Variants in OTOG observed in about 807,000 individuals in gnomAD.
The protein encoded by OTOG is otogelin.
OTOG carries 296 observed loss-of-function variants against 313.8 expected under a neutral mutation model. The ratio of observed to expected loss-of-function variants is 0.94; its 90% CI spans 0.86 to 1.04. The LOEUF (loss-of-function observed/expected upper bound fraction) is 1.04. OTOG is among the 50% of genes least tolerant of loss of function. The pLI is 0.00. For missense variants in OTOG, 3,948 were observed against 3,840.1 expected, an observed-to-expected ratio of 1.03 and a Z score of -0.74; for synonymous variants, 1,533 against 1,554.9, an observed-to-expected ratio of 0.99 and a Z score of 0.33.
At position 17,549,707 on chromosome 11, in the gene OTOG, C is replaced by T. The variant is rs78639400; in HGVS notation, c.216+1495C>T. 4.9e-3 allele frequency among the ~76,000 whole-genome samples: 745 copies of T among 152,252 alleles called. 9 individuals are homozygous for T. Among genetic ancestry groups the T allele is most frequent in the African/African-American group, 0.016 (683 of 41,534 alleles). On this transcript the variant is annotated intron_variant, in intron 3 of 55. Transcript: ENST00000399397. ...CTTCATTTCCCTGTGGGTATCCTCCCGTGCTGGTTTCCAGGGTAGGCATCC... is the reference window on the plus strand; with the variant it reads ...CTTCATTTCCCTGTGGGTATCCTCCTGTGCTGGTTTCCAGGGTAGGCATCC...
At position 17,611,261 on chromosome 11, in the gene OTOG, T is replaced by C. The variant is rs1418362086; in HGVS notation, c.5961T>C (p.Ala1987=). The C allele has an allele frequency of 1.0e-5, 16 of 1,550,524 alleles. 1 individual carries two copies. Among genetic ancestry groups the C allele is most frequent in the Admixed American group, 3.9e-5 (2 of 50,998 alleles). ...TGCTGGTTCTGTTGCCTCAGCTGGC[T>C]GAGGCCCATGGAACCTCGGCAGGGC... ...DSMLVLLPQL[A]EAHGTSAGPH... Residue 1987 remains alanine (A), a synonymous_variant, in exon 36 of 56, where the codon GCT becomes GCC. Transcript: ENST00000399397.
At chr11:17,637,983 G>A (rs573433174) in intron 47 of OTOG, among the ~76,000 whole-genome samples, 43 of 152,322 alleles carry the variant, frequency 2.8e-4, no homozygotes, top group African/African-American at 1.0e-3. Flanking sequence ...CCTGAACTGA[G>A]AAAAGTCAGC....
chr11:17,620,083 T>C (rs1165185921), intron 39 of OTOG, among the ~76,000 whole-genome samples: 1 of 152,250 alleles, frequency 6.6e-6, no homozygotes, highest in African/African-American at 2.4e-5. Flanking sequence ...CTTTTTTTTA[T>C]TGAGGAGAAA....
intron 47 of OTOG, among the ~76,000 whole-genome samples, chr11:17,637,098 A>G (rs763519370): frequency 1.1e-4 from 16 of 152,108 alleles, no homozygotes; most frequent in Non-Finnish European, 1.9e-4. Context: ...AGAAAATGAA[A>G]ATACCACCTT....
At chr11:17,589,756 G>T (rs967351715) in intron 24 of OTOG, among the ~76,000 whole-genome samples, 2 of 152,126 alleles carry the variant, frequency 1.3e-5, no homozygotes, top group Non-Finnish European at 2.9e-5. Flanking sequence ...TTTCGGTCAG[G>T]CATTTTCCCC....
intron 15 of OTOG, among the ~76,000 whole-genome samples, chr11:17,568,099 G>A (rs1015479219): frequency 2.4e-5 from 3 of 123,610 alleles, no homozygotes; most frequent in Non-Finnish European, 5.0e-5. Flanking sequence ...AGTGGAGATG[G>A]GGTTTCACCG....
intron 3 of OTOG, among the ~76,000 whole-genome samples, chr11:17,549,342 T>C (rs1168170802): frequency 6.6e-6 from 1 of 152,110 alleles, no homozygotes. Flanking sequence ...CAGCAATGAG[T>C]CCCAACTCCT....
At chr11:17,620,203 A>G (rs1853829954) in intron 39 of OTOG, among the ~76,000 whole-genome samples, 1 of 152,024 alleles carries the variant, frequency 6.6e-6, no homozygotes, top group African/African-American at 2.4e-5. Context: ...CATTTTCATC[A>G]CCCCAAAAGG....
intron 6 of OTOG, among the ~76,000 whole-genome samples, chr11:17,554,053 A>G (rs557534034): frequency 2.1e-4 from 32 of 152,288 alleles, no homozygotes; most frequent in Admixed American, 5.9e-4. Context: ...CCAAGTGAAG[A>G]GTAGGAGAGT....
rs1554979068 is a variant in OTOG at position 17,634,165 on chromosome 11, C to T, written c.7364C>T (p.Thr2455Ile). 1 of 1,550,086 alleles carries T rather than the reference C, an allele frequency of 6.5e-7. No homozygotes were observed. Among genetic ancestry groups the T allele is most frequent in the South Asian group, 1.2e-5 (1 of 84,042 alleles). ...CCQHQCQAPD[T>I]IVPVDLGCPS... ...CAGCACCAGTGCCAAGCCCCAGACACCATTGTCCCGGTGGATCTGGGCTGC... is the reference window on the plus strand; with the variant it reads ...CAGCACCAGTGCCAAGCCCCAGACATCATTGTCCCGGTGGATCTGGGCTGC... Residue 2455 changes from threonine to isoleucine, a missense_variant, in exon 44 of 56, where the codon ACC (threonine) becomes ATC (isoleucine). Thr to Ile is a moderately conservative substitution (Grantham distance 89). Coordinates refer to ENST00000399397, the MANE Select transcript of OTOG (RefSeq NM_001292063.2).
intron 46 of OTOG, 95 bp from the exon 47 acceptor site, chr11:17,635,515 T>C: frequency 3.3e-6 from 3 of 913,994 alleles, no homozygotes; most frequent in Non-Finnish European, 5.2e-6. Context: ...CTGCCACACC[T>C]GGGTTGTTGA....
intron 30 of OTOG, among the ~76,000 whole-genome samples, chr11:17,598,362 G>A (rs537329395): frequency 2.1e-4 from 32 of 152,238 alleles, no homozygotes; most frequent in African/African-American, 7.5e-4. Context: ...TCTCTACTCT[G>A]GCTCAGTGGG....
rs549877311 is a variant in OTOG, at chr11:17,631,164, A to T, written c.6713-538A>T. Among the ~76,000 whole-genome samples, 16 of 152,284 alleles carry T rather than the reference A, an allele frequency of 1.1e-4. No homozygotes were observed. The South Asian group carries it at 3.3e-3, about 32-fold the overall frequency. On this transcript the variant is annotated intron_variant, in intron 40 of 55. Coordinates refer to ENST00000399397, the MANE Select transcript of OTOG (RefSeq NM_001292063.2). ...CCAGCTGCAAGGGCATCTGGGAAAA[A>T]TACACTGACTGCCCAGGAAAAAGAA...
Position 17,574,739 on chromosome 11 carries a change from C to T in OTOG, c.2313C>T (p.Ser771=). The part of the protein sequence containing the change: ...LPACALSCEA[S]KEYSPCVAPC... ...CTGCAGCACTGTCCTGTGAGGCCTC[C>T]AAGGAGTATAGCCCCTGCGTGGCCC... Residue 771 remains serine (S), a synonymous_variant, in exon 20 of 56, where the codon TCC becomes TCT. Coordinates refer to ENST00000399397, the MANE Select transcript of OTOG (RefSeq NM_001292063.2). 6.4e-7 allele frequency: 1 copy of T among 1,550,634 alleles called. No individual in the cohort carries two copies. Among genetic ancestry groups the T allele is most frequent in the Non-Finnish European group, 8.7e-7 (1 of 1,146,970 alleles).
intron 15 of OTOG, among the ~76,000 whole-genome samples, chr11:17,563,653 A>G (rs970137483): frequency 6.6e-6 from 1 of 151,646 alleles, no homozygotes; most frequent in Non-Finnish European, 1.5e-5. Flanking sequence ...CCTGGGGGCT[A>G]TTGGGTCTCA....
At chr11:17,590,420 C>A (rs1852903314) in intron 24 of OTOG, among the ~76,000 whole-genome samples, 1 of 152,186 alleles carries the variant, frequency 6.6e-6, no homozygotes, top group Admixed American at 6.5e-5. Flanking sequence ...TTTGGTTCTA[C>A]CTTCAAAATA....
In OTOG at chr11:17,596,895, T is replaced by A. The variant is rs1853122492; in HGVS notation, c.3570T>A (p.Cys1190Ter). Residue 1190 changes from cysteine (C) to a stop codon, truncating the protein, a stop_gained, in exon 30 of 56, where the codon TGT becomes TGA. Coordinates refer to ENST00000399397, the MANE Select transcript of OTOG (RefSeq NM_001292063.2). LOFTEE classifies it high-confidence loss of function. ...ACTCAAACTGCCTGACAGACACATG[T>A]GGCTGCAGCCAGGGTGGTGACTGTG... The part of the protein sequence containing the change: ...WFYSNCLTDT[C>*]GCSQGGDCEC... 1 of 1,550,964 alleles carries A rather than the reference T, an allele frequency of 6.4e-7. No individual in the cohort carries two copies. The highest frequency in any genetic ancestry group is 2.0e-5 in the Admixed American group (1 of 50,990).
chr11:17,575,190 C>G (rs1263950894), intron 20 of OTOG, among the ~76,000 whole-genome samples: 3 of 152,372 alleles, frequency 2.0e-5, no homozygotes, highest in Admixed American at 1.3e-4. Context: ...ATTCCCCTCT[C>G]CTTCCACATA....
chr11:17,637,582 G>C (rs61676599), intron 47 of OTOG, among the ~76,000 whole-genome samples: 1 of 152,184 alleles, frequency 6.6e-6, no homozygotes, highest in Non-Finnish European at 1.5e-5. Flanking sequence ...TTTGGGGCTA[G>C]ACAGTGCGTG....
Sources: gnomAD v4.1 joint callset for allele counts (sites outside exome capture counted in the v4.1 genomes callset) on GRCh38, gnomAD v4.1.1 for gene constraint, MANE v1.5 for transcripts, NCBI Gene and HGNC (gene_info 2026-07-23, HGNC 2026-07-21) for gene names.